Variants in ZNF146 observed in about 807,000 individuals in gnomAD.
ZNF146 encodes the protein zinc finger protein OZF.
ZNF146 carries 9 observed loss-of-function variants against 22.2 expected under a neutral mutation model. That is an observed-to-expected ratio of 0.41 (90% CI 0.24 to 0.71). ZNF146 has a LOEUF of 0.71. Among genes scored for constraint, ZNF146 ranks in the 30% least tolerant of loss-of-function variants. The probability of loss-of-function intolerance (pLI) is 0.34; values close to 1 mark genes in which losing one functional copy is unlikely to be tolerated. For synonymous variants in ZNF146, 108 were observed against 119.2 expected (o/e 0.91, Z 0.61); for missense variants, 194 against 344.8 (o/e 0.56, Z 3.46).
chr19:36,230,658 G>A (rs1977300165), intron 3 of ZNF146, among the ~76,000 whole-genome samples: 1 of 152,306 alleles, frequency 6.6e-6, no homozygotes, highest in Non-Finnish European at 1.5e-5. Flanking sequence ...CCTGTTCAGA[G>A]AATAGTGATC....
chr19:36,236,461 G>A lies in ZNF146; in HGVS notation c.21G>A (p.Gln7=). Residue 7 remains glutamine (Q), a synonymous_variant, in exon 4 of 4, where the codon CAG becomes CAA. Coordinates refer to ENST00000443387, the MANE Select transcript of ZNF146 (RefSeq NM_007145.3). The part of the protein sequence containing the change: MSHLSQ[Q]RIYSGENPFA... ...TTCAGATGTCACACCTCAGCCAGCA[G>A]AGAATTTACAGTGGGGAAAACCCCT... is the stretch of plus-strand genomic sequence containing the variant. The A allele has an allele frequency of 6.2e-7, 1 of 1,606,604 alleles. No homozygotes were observed. The highest frequency in any genetic ancestry group is 8.5e-7 in the Non-Finnish European group (1 of 1,175,854).
intron 3 of ZNF146, among the ~76,000 whole-genome samples, chr19:36,232,539 G>T (rs759498499): frequency 1.3e-5 from 2 of 151,648 alleles, no homozygotes; most frequent in Non-Finnish European, 2.9e-5. Flanking sequence ...GTTTGAGAAC[G>T]CATGAGTTGC....
At chr19:36,224,133 G>T (rs1976976049) in intron 2 of ZNF146, among the ~76,000 whole-genome samples, 1 of 152,190 alleles carries the variant, frequency 6.6e-6, no homozygotes, top group Admixed American at 6.5e-5. Context: ...TGCAATCCCA[G>T]CACTTTGCAA....
At chr19:36,222,070 C>G (rs56316708) in intron 2 of ZNF146, among the ~76,000 whole-genome samples, 33,082 of 150,864 alleles carry the variant, frequency 0.22, 3,654 homozygotes, top group African/African-American at 0.23. Context: ...GCTGGGACCA[C>G]AGGCACACTC....
At position 36,238,279 on chromosome 19, in the gene ZNF146, TCAGTA is replaced by T. The variant is rs1356874591; in HGVS notation, c.*962_*966del. 1 of 167,124 alleles carries T rather than the reference TCAGTA, an allele frequency of 6.0e-6. No homozygotes were observed. Among genetic ancestry groups the T allele is most frequent in the East Asian group, 1.9e-4 (1 of 5,208 alleles). 10.4% of individuals were successfully genotyped at this position (167,124 alleles called of 1,614,324 possible). A position where few individuals can be genotyped will look rare whatever the true frequency, so the allele number is the denominator to read the frequency against. ...TGAATTAAAAGTTTCCTCATAAAAC[TCAGTA>T]CTATCTATTGGTAATGGATGCATAT... On this transcript the variant is annotated 3_prime_UTR_variant, in exon 4 of 4. Transcript: ENST00000443387.
rs561185907 is a variant in ZNF146, at chr19:36,222,776, G to A, written c.-855+4581G>A. Among the ~76,000 whole-genome samples the A allele has an allele frequency of 2.6e-3, 244 of 92,280 alleles. 4 individuals carry two copies. The highest frequency in any genetic ancestry group is 6.0e-3 in the Middle Eastern group (1 of 168). The allele number at this position is 92,280 out of a possible 152,430, so 60.5% of individuals were successfully genotyped here. A position where few individuals can be genotyped will look rare whatever the true frequency, so the allele number is the denominator to read the frequency against. The stretch of plus-strand genomic sequence containing the variant: ...GTTAGCCCTGTATGAAATGAGTGGT[G>A]GCTTTTTTTTTTTTTTTTTTTGAAG... On this transcript the variant is annotated intron_variant, in intron 2 of 3. Transcript: ENST00000443387.
At chr19:36,228,174 A>AAAG (rs58268391) in intron 2 of ZNF146, among the ~76,000 whole-genome samples, 19,380 of 142,192 alleles carry the variant, frequency 0.14, 1,626 homozygotes, top group Non-Finnish European at 0.18. Context: ...AAAAAAAAAA[A>AAAG]AAAGAAAGAA....
rs1165059998 is a variant in ZNF146, at chr19:36,234,556, C to T, written c.-782-1103C>T. On this transcript the variant is annotated intron_variant, in intron 3 of 3. Transcript: ENST00000443387. ...TTGCATCTGGTTGCTCGCCACCACG[C>T]CCGGCTAATTTTTTGTATTTTTAGT... 2.0e-5 allele frequency among the ~76,000 whole-genome samples: 3 copies of T among 152,252 alleles called. 1 individual carries two copies. The highest frequency in any genetic ancestry group is 1.3e-4 in the Admixed American group (2 of 15,294).
At chr19:36,224,419 T>G (rs1004306376) in intron 2 of ZNF146, among the ~76,000 whole-genome samples, 2 of 152,234 alleles carry the variant, frequency 1.3e-5, no homozygotes, top group Admixed American at 1.3e-4. Flanking sequence ...TTACTATTTT[T>G]AGGATGCCAC....
At chr19:36,228,174 A>AAAAGAAAG (rs371256255) in intron 2 of ZNF146, among the ~76,000 whole-genome samples, 9 of 144,222 alleles carry the variant, frequency 6.2e-5, no homozygotes, top group African/African-American at 2.1e-4. Flanking sequence ...AAAAAAAAAA[A>AAAAGAAAG]AAAGAAAGAA....
intron 2 of ZNF146, among the ~76,000 whole-genome samples, chr19:36,219,775 T>C (rs1341155113): frequency 6.6e-6 from 1 of 152,166 alleles, no homozygotes; most frequent in African/African-American, 2.4e-5. Context: ...TTGTTGTTGT[T>C]GTTTGTTTGT....
At position 36,238,566 on chromosome 19, in the gene ZNF146, TA is replaced by T. The variant is rs1281614730; in HGVS notation, c.*1251del. On this transcript the variant is annotated 3_prime_UTR_variant, in exon 4 of 4. Coordinates refer to ENST00000443387, the MANE Select transcript of ZNF146 (RefSeq NM_007145.3). ...TATTTTTTGTACTTTTCTGTATTTT[TA>T]AAATTTCTCAAAATAGGAATGGGAG... 1 of 167,080 alleles carries T rather than the reference TA, an allele frequency of 6.0e-6. No homozygotes were observed. Among genetic ancestry groups the T allele is most frequent in the Non-Finnish European group, 1.5e-5 (1 of 68,126 alleles). The allele number at this position is 167,080 out of a possible 1,614,324, so 10.3% of individuals were successfully genotyped here.
Position 36,236,303 on chromosome 19 carries a change from G to T in ZNF146, c.-138G>T. 1 of 1,016,266 alleles carries T rather than the reference G, an allele frequency of 9.8e-7. No individual in the cohort carries two copies. Among genetic ancestry groups the T allele is most frequent in the South Asian group, 1.8e-5 (1 of 56,244 alleles). 63.0% of individuals were successfully genotyped at this position (1,016,266 alleles called of 1,614,324 possible). On this transcript the variant is annotated 5_prime_UTR_variant, in exon 4 of 4. Transcript: ENST00000443387. ...CCTCTCAAACCTTATCCCTTACTCTGCATTTGGGAGATCATACACAGAGAA... is the reference window on the plus strand; with the variant it reads ...CCTCTCAAACCTTATCCCTTACTCTTCATTTGGGAGATCATACACAGAGAA...
At chr19:36,215,739 C>G (rs1976575316) in intron 1 of ZNF146, among the ~76,000 whole-genome samples, 1 of 151,952 alleles carries the variant, frequency 6.6e-6, no homozygotes, top group Admixed American at 6.6e-5. Context: ...AAATCCCCAT[C>G]TTTGGGGTAC....
At chr19:36,216,475 T>C in intron 1 of ZNF146, among the ~76,000 whole-genome samples, 1 of 151,838 alleles carries the variant, frequency 6.6e-6, no homozygotes, top group East Asian at 1.9e-4. Context: ...ACCCTGTCTC[T>C]ACTAAAAAAA....
intron 2 of ZNF146, among the ~76,000 whole-genome samples, chr19:36,224,056 T>A (rs774357440): frequency 2.6e-5 from 4 of 152,160 alleles, no homozygotes; most frequent in Non-Finnish European, 4.4e-5. Flanking sequence ...TTTTTCCAAT[T>A]GGCTACCACG....
chr19:36,224,110 G>C (rs543513393), intron 2 of ZNF146, among the ~76,000 whole-genome samples: 2 of 152,106 alleles, frequency 1.3e-5, no homozygotes, highest in Admixed American at 6.5e-5. Context: ...GGCTGGGCAC[G>C]GTGGCTCACG....
intron 2 of ZNF146, among the ~76,000 whole-genome samples, chr19:36,220,263 T>C (rs1976775374): frequency 6.6e-6 from 1 of 152,170 alleles, no homozygotes; most frequent in South Asian, 2.1e-4. Context: ...ACATTTTTAA[T>C]GTATTTTTAA....
chr19:36,225,360 G>A (rs1349930764), intron 2 of ZNF146, among the ~76,000 whole-genome samples: 3 of 152,096 alleles, frequency 2.0e-5, no homozygotes. Flanking sequence ...GTTTTCTGTC[G>A]ATTCCCTTCT....
Sources: allele counts gnomAD v4.1 joint callset (sites outside exome capture counted in the v4.1 genomes callset), GRCh38; gene constraint gnomAD v4.1.1; transcripts MANE v1.5; gene names NCBI Gene and HGNC (gene_info 2026-07-23, HGNC 2026-07-21).